Variants in SYT2 observed in about 807,000 individuals in gnomAD.
SYT2 encodes synaptotagmin-2.
A neutral mutation model predicts 39.9 loss-of-function variants in SYT2; 15 were observed. The ratio of observed to expected loss-of-function variants is 0.38; its 90% CI spans 0.25 to 0.58. The LOEUF (loss-of-function observed/expected upper bound fraction) is 0.58, where lower values mean the gene tolerates loss of function less well. Ranked by LOEUF, SYT2 falls within the 20% of genes least tolerant of loss-of-function variation. The probability of loss-of-function intolerance (pLI) is 0.70; values close to 1 mark genes in which losing one functional copy is unlikely to be tolerated. For missense variants in SYT2, 389 were observed against 530.3 expected (o/e 0.73, Z 2.62); for synonymous variants, 181 against 204.5 (o/e 0.89, Z 0.98).
Position 202,693,454 on chromosome 1 carries a change from G to A in SYT2, c.-18+16804C>T, listed in dbSNP as rs576824633. 5.9e-5 allele frequency among the ~76,000 whole-genome samples: 9 copies of A among 152,286 alleles called. No homozygotes were observed. In the South Asian group the frequency reaches 1.9e-3, roughly 32 times the overall value. On this transcript the variant is annotated intron_variant, in intron 1 of 8. Coordinates refer to ENST00000367268, the MANE Select transcript of SYT2 (RefSeq NM_177402.5). ...CTGACCCTACAATACTGAGATACAA[G>A]TCCTTTCAGAGAAGCTGAGTATGAG...
At chr1:202,649,303 G>T (rs1311012535) in intron 1 of SYT2, among the ~76,000 whole-genome samples, 1 of 152,212 alleles carries the variant, frequency 6.6e-6, no homozygotes, top group Non-Finnish European at 1.5e-5. Context: ...CAGATCTGGG[G>T]GAGGCAAGAT....
chr1:202,676,091 C>T (rs1380103251), intron 1 of SYT2, among the ~76,000 whole-genome samples: 1 of 152,242 alleles, frequency 6.6e-6, no homozygotes, highest in Non-Finnish European at 1.5e-5. Flanking sequence ...ACCGCCTTTC[C>T]ACCCCTGCAG....
At chr1:202,692,399 G>T (rs989258809) in intron 1 of SYT2, among the ~76,000 whole-genome samples, 3 of 152,074 alleles carry the variant, frequency 2.0e-5, no homozygotes, top group Admixed American at 2.0e-4. Flanking sequence ...AAATATTACA[G>T]GGAAGAGTCC....
intron 1 of SYT2, among the ~76,000 whole-genome samples, chr1:202,675,606 T>C (rs1473830481): frequency 6.6e-6 from 1 of 152,118 alleles, no homozygotes; most frequent in African/African-American, 2.4e-5. Context: ...GCAAATGTTA[T>C]CACTAGAGGT....
At chr1:202,625,038 GTGTGGTGTC>G (rs1691341460) in intron 1 of SYT2, among the ~76,000 whole-genome samples, 1 of 142,664 alleles carries the variant, frequency 7.0e-6, no homozygotes, top group African/African-American at 2.6e-5. Context: ...TGTGTGGTGT[GTGTGGTGTC>G]TAGTAGGGTG....
At chr1:202,634,060 T>C (rs1165998796) in intron 1 of SYT2, among the ~76,000 whole-genome samples, 1 of 152,240 alleles carries the variant, frequency 6.6e-6, no homozygotes, top group Non-Finnish European at 1.5e-5. Context: ...TGAGTCTCCT[T>C]GGACAAATCC....
chr1:202,615,468 G>C (rs1003511796), intron 1 of SYT2, among the ~76,000 whole-genome samples: 4 of 152,062 alleles, frequency 2.6e-5, no homozygotes, highest in Non-Finnish European at 4.4e-5. Flanking sequence ...CACCCACAAT[G>C]CCTTCCAAAT....
At chr1:202,639,538 C>T (rs1691842399) in intron 1 of SYT2, 2 of 985,354 alleles carry the variant, frequency 2.0e-6, no homozygotes, top group African/African-American at 3.5e-5. Context: ...TCTAACACAT[C>T]TCTGTGGAAG....
intron 1 of SYT2, among the ~76,000 whole-genome samples, chr1:202,681,925 G>A (rs953876298): frequency 1.3e-5 from 2 of 152,178 alleles, no homozygotes; most frequent in Admixed American, 6.5e-5. Flanking sequence ...ATCCAAGACC[G>A]TGACCTCATC....
chr1:202,597,637 G>A (rs181423239), intron 8 of SYT2, among the ~76,000 whole-genome samples: 73 of 152,334 alleles, frequency 4.8e-4, no homozygotes, highest in African/African-American at 1.7e-3. Flanking sequence ...CAGGCAAGCA[G>A]TAGGGGACTC....
intron 1 of SYT2, among the ~76,000 whole-genome samples, chr1:202,688,876 C>A (rs1413033043): frequency 1.3e-5 from 2 of 152,146 alleles, no homozygotes; most frequent in Non-Finnish European, 2.9e-5. Context: ...CCTCACCCAG[C>A]CTCGGATGGT....
intron 1 of SYT2, among the ~76,000 whole-genome samples, chr1:202,690,512 G>A (rs1209583728): frequency 1.3e-5 from 2 of 152,176 alleles, no homozygotes; most frequent in South Asian, 4.1e-4. Context: ...AAAGGGAAAA[G>A]AGCCTCAAGC....
intron 1 of SYT2, among the ~76,000 whole-genome samples, chr1:202,682,407 T>C (rs1214642229): frequency 1.3e-5 from 2 of 151,988 alleles, no homozygotes; most frequent in Non-Finnish European, 2.9e-5. Context: ...CAGAAAGGTG[T>C]CACAAGGCAG....
intron 1 of SYT2, among the ~76,000 whole-genome samples, chr1:202,621,720 C>A (rs1691207765): frequency 6.6e-6 from 1 of 152,196 alleles, no homozygotes; most frequent in Non-Finnish European, 1.5e-5. Flanking sequence ...GACCTGCCCC[C>A]CTCACCCTCA....
intron 1 of SYT2, among the ~76,000 whole-genome samples, chr1:202,684,694 AC>A (rs1426904085): frequency 2.6e-5 from 4 of 151,812 alleles, no homozygotes; most frequent in Admixed American, 2.0e-4. Flanking sequence ...TGTGCCCCTC[AC>A]CCGTGATGTA....
intron 8 of SYT2, among the ~76,000 whole-genome samples, chr1:202,597,842 A>G (rs990436150): frequency 6.6e-6 from 1 of 152,158 alleles, no homozygotes; most frequent in Non-Finnish European, 1.5e-5. Flanking sequence ...AGTCAAAACC[A>G]GGTTGGAGAG....
At chr1:202,644,189 G>GGGAGGGGAGAAAGGGCGAT (rs1692022996) in intron 1 of SYT2, among the ~76,000 whole-genome samples, 3 of 152,114 alleles carry the variant, frequency 2.0e-5, no homozygotes, top group Non-Finnish European at 2.9e-5. Flanking sequence ...GGGCCACTTG[G>GGGAGGGGAGAAAGGGCGAT]GGAGGGGAGA....
intron 1 of SYT2, among the ~76,000 whole-genome samples, chr1:202,663,449 C>T (rs1178257743): frequency 2.0e-5 from 3 of 152,272 alleles, no homozygotes; most frequent in Middle Eastern, 3.4e-3. Flanking sequence ...GCCTTCAAAC[C>T]GGCTCCTCTT....
At position 202,591,880 on chromosome 1, in the gene SYT2, C is replaced by T. The variant is rs1286759966; in HGVS notation, c.*4877G>A. 3 of 152,710 alleles carry T rather than the reference C, an allele frequency of 2.0e-5. No homozygotes were observed. Among genetic ancestry groups the T allele is most frequent in the Admixed American group, 2.0e-4 (3 of 15,284 alleles). 9.5% of individuals were successfully genotyped at this position (152,710 alleles called of 1,614,324 possible). A position where few individuals can be genotyped will look rare whatever the true frequency, so the allele number is the denominator to read the frequency against. On this transcript the variant is annotated 3_prime_UTR_variant, in exon 9 of 9. Coordinates refer to ENST00000367268, the MANE Select transcript of SYT2 (RefSeq NM_177402.5). ...TGGAGTCCCACTGCTGTCTGCTCCT[C>T]GCCCAGCGTAGAGATGGAGCTGAAC... is the stretch of plus-strand genomic sequence containing the variant.
Sources: gnomAD v4.1 joint callset for allele counts (sites outside exome capture counted in the v4.1 genomes callset) on GRCh38, gnomAD v4.1.1 for gene constraint, MANE v1.5 for transcripts, NCBI Gene and HGNC (gene_info 2026-07-23, HGNC 2026-07-21) for gene names.